Variants in LRRC7 observed in about 807,000 individuals in gnomAD.
LRRC7 encodes leucine-rich repeat-containing protein 7.
Under a neutral mutation model 175.7 loss-of-function variants are expected in LRRC7, and 23 were observed. The observed-to-expected ratio is 0.13, with a 90% confidence interval of 0.09 to 0.19. The LOEUF (loss-of-function observed/expected upper bound fraction) is 0.19, where lower values mean the gene tolerates loss of function less well. Ranked by LOEUF, LRRC7 falls within the 10% of genes least tolerant of loss-of-function variation. LRRC7 has a pLI of 1.00. For synonymous variants in LRRC7, 685 were observed against 680.9 expected, an observed-to-expected ratio of 1.01 and a Z score of -0.09; for missense variants, 1,354 against 1,904.7, an observed-to-expected ratio of 0.71 and a Z score of 5.38.
intron 2 of LRRC7, among the ~76,000 whole-genome samples, chr1:69,734,412 A>G (rs367942193): frequency 2.0e-5 from 3 of 152,098 alleles, no homozygotes; most frequent in South Asian, 4.1e-4. Flanking sequence ...AAAAATTATA[A>G]TACAGTATGT....
At chr1:70,024,444 C>A (rs1657869158) in intron 17 of LRRC7, among the ~76,000 whole-genome samples, 1 of 151,770 alleles carries the variant, frequency 6.6e-6, no homozygotes, top group Non-Finnish European at 1.5e-5. Flanking sequence ...GCATTTACTG[C>A]ACTTTATTTA....
At chr1:69,776,136 C>T (rs72941461) in intron 3 of LRRC7, among the ~76,000 whole-genome samples, 6,632 of 152,150 alleles carry the variant, frequency 0.044, 245 homozygotes, top group African/African-American at 0.093. Context: ...CAGTTTCTCT[C>T]CTATGTAAAC....
In LRRC7 at chr1:69,854,188, C is replaced by A. The variant is rs1683320252; in HGVS notation, c.647+15905C>A. On this transcript the variant is annotated intron_variant, in intron 7 of 26. Transcript: ENST00000651989. ...ACACTGATTCTTCACCCTTGTATTA[C>A]TAAACAAATAAGATGAAACAGGAAC... Among the ~76,000 whole-genome samples the A allele has an allele frequency of 2.6e-5, 4 of 152,012 alleles. No individual in the cohort carries two copies. The South Asian group carries it at 8.3e-4, about 31-fold the overall frequency.
At chr1:70,036,313 C>A (rs1473461921) in intron 19 of LRRC7, 81 bp downstream of exon 19, 1 of 1,387,768 alleles carries the variant, frequency 7.2e-7, no homozygotes, top group Non-Finnish European at 1.0e-6. Flanking sequence ...TATGATACAC[C>A]ATATTCTATA....
intron 7 of LRRC7, among the ~76,000 whole-genome samples, chr1:69,872,549 G>A (rs1028222913): frequency 3.9e-5 from 6 of 151,970 alleles, no homozygotes; most frequent in African/African-American, 1.4e-4. Context: ...ATTAATTTGA[G>A]CTATTGCTGT....
chr1:69,911,875 A>G (rs1646541947), intron 7 of LRRC7, among the ~76,000 whole-genome samples: 7 of 152,112 alleles, frequency 4.6e-5, no homozygotes. Flanking sequence ...CTAAGGCCAA[A>G]CTCTGTAAAA....
At chr1:69,811,162 T>A (rs186628278) in intron 4 of LRRC7, among the ~76,000 whole-genome samples, 1 of 152,002 alleles carries the variant, frequency 6.6e-6, no homozygotes, top group Non-Finnish European at 1.5e-5. Flanking sequence ...AACAAACATA[T>A]GAAAAAAAGC....
chr1:69,757,782 A>T (rs2100925473), intron 2 of LRRC7, among the ~76,000 whole-genome samples: 1 of 152,012 alleles, frequency 6.6e-6, no homozygotes. Context: ...TTGATTTATT[A>T]TTCCTCTGTG....
intron 1 of LRRC7, among the ~76,000 whole-genome samples, chr1:69,643,743 C>T (rs1654586417): frequency 2.6e-5 from 4 of 151,968 alleles, no homozygotes; most frequent in Admixed American, 2.6e-4. Flanking sequence ...AGGAAGTTGA[C>T]AGAAATTCCA....
At chr1:69,626,476 G>T (rs1183518074) in intron 1 of LRRC7, among the ~76,000 whole-genome samples, 1 of 151,260 alleles carries the variant, frequency 6.6e-6, no homozygotes, top group African/African-American at 2.4e-5. Context: ...AATGAAAGCA[G>T]ATTTTTAAAT....
At chr1:69,604,753 T>TATTA (rs1647261633) in intron 1 of LRRC7, among the ~76,000 whole-genome samples, 1 of 152,106 alleles carries the variant, frequency 6.6e-6, no homozygotes, top group African/African-American at 2.4e-5. Flanking sequence ...TGGTAGCATG[T>TATTA]ATTAGGGTGG....
Position 70,076,017 on chromosome 1 carries a change from A to G in LRRC7, c.4231-60A>G, listed in dbSNP as rs1003085806. 9 of 1,579,138 alleles carry G rather than the reference A, an allele frequency of 5.7e-6. No homozygotes were observed. In the Admixed American group the frequency reaches 1.3e-4, roughly 24 times the overall value. ...GAGAGGTATTCTGTACGTGCTTTCT[A>G]CTTTAATCACATCCTTTCAGCACCA... is the stretch of plus-strand genomic sequence containing the variant. On this transcript the variant is annotated intron_variant, in intron 23 of 26. Coordinates refer to ENST00000651989, the MANE Select transcript of LRRC7 (RefSeq NM_001370785.2).
chr1:69,571,330 C>G (rs1213168722), intron 1 of LRRC7, among the ~76,000 whole-genome samples: 1 of 152,152 alleles, frequency 6.6e-6, no homozygotes, highest in Non-Finnish European at 1.5e-5. Flanking sequence ...AACATTTTCC[C>G]AATTAAATTC....
intron 17 of LRRC7, among the ~76,000 whole-genome samples, chr1:70,026,029 T>C (rs1022344324): frequency 6.6e-6 from 1 of 152,118 alleles, no homozygotes; most frequent in Non-Finnish European, 1.5e-5. Context: ...TGTGCTTGCT[T>C]ATAAAATAAC....
At chr1:69,923,968 T>A (rs1254528171) in intron 7 of LRRC7, among the ~76,000 whole-genome samples, 1 of 151,958 alleles carries the variant, frequency 6.6e-6, no homozygotes, top group Non-Finnish European at 1.5e-5. Flanking sequence ...CCATCTTGAA[T>A]TAATTTTTGT....
At chr1:69,997,831 A>G (rs1242207977) in intron 11 of LRRC7, among the ~76,000 whole-genome samples, 2 of 152,066 alleles carry the variant, frequency 1.3e-5, no homozygotes, top group Admixed American at 6.6e-5. Flanking sequence ...TTTTGCATCA[A>G]TGTTCATCAA....
At chr1:70,062,572 G>C (rs929984076) in intron 23 of LRRC7, among the ~76,000 whole-genome samples, 1 of 151,946 alleles carries the variant, frequency 6.6e-6, no homozygotes, top group Admixed American at 6.6e-5. Context: ...ATGTAGACTT[G>C]CTTGTTAAGA....
At chr1:69,971,835 T>C (rs143911814) in intron 8 of LRRC7, among the ~76,000 whole-genome samples, 2,302 of 152,050 alleles carry the variant, frequency 0.015, 57 homozygotes, top group African/African-American at 0.051. Flanking sequence ...GCAAAAAGAA[T>C]AAATCTGGAG....
chr1:70,096,277 A>G (rs1664391507), intron 25 of LRRC7, among the ~76,000 whole-genome samples: 1 of 152,216 alleles, frequency 6.6e-6, no homozygotes, highest in African/African-American at 2.4e-5. Context: ...GTGCTTGCCT[A>G]TGCATTTATT....
Sources: gnomAD v4.1 joint callset for allele counts (sites outside exome capture counted in the v4.1 genomes callset) on GRCh38, gnomAD v4.1.1 for gene constraint, MANE v1.5 for transcripts, NCBI Gene and HGNC (gene_info 2026-07-23, HGNC 2026-07-21) for gene names.